Variants in GPSM2 observed in about 807,000 individuals in gnomAD.
The protein encoded by GPSM2 is G protein-signaling modulator 2.
A neutral mutation model predicts 78.4 loss-of-function variants in GPSM2; 58 were observed. The ratio of observed to expected loss-of-function variants is 0.74; its 90% confidence interval spans 0.60 to 0.92. The LOEUF is 0.92. Among genes scored for constraint, GPSM2 ranks in the 40% least tolerant of loss-of-function variants. The pLI, the probability that GPSM2 is intolerant of heterozygous loss-of-function variation, is 0.00. For synonymous variants in GPSM2, 224 were observed against 280.2 expected (o/e 0.80, Z 2.00); for missense variants, 700 against 815.5 (o/e 0.86, Z 1.73).
In GPSM2 at chr1:108,927,478, A is replaced by G. The variant is rs559607309; in HGVS notation, c.1816-2223A>G. The stretch of plus-strand genomic sequence containing the variant: ...ATGGAATAGAATACAGATCCCAGAA[A>G]TAAACCCTTGCATGTGTGGTCAAAT... On this transcript the variant is annotated intron_variant, in intron 14 of 14. Transcript: ENST00000264126. 5.3e-5 allele frequency among the ~76,000 whole-genome samples: 8 copies of G among 152,328 alleles called. No homozygotes were observed. In the South Asian group the frequency reaches 1.7e-3, roughly 32 times the overall value.
intron 14 of GPSM2, 103 bp downstream of exon 14, chr1:108,924,317 G>C: frequency 1.3e-6 from 1 of 776,026 alleles, no homozygotes; most frequent in Non-Finnish European, 2.3e-6. Flanking sequence ...TTGTATTAGA[G>C]AGTTATTATT....
rs777237521 is a variant in GPSM2, at chr1:108,929,930, C to T, written c.2045C>T (p.Ala682Val). Reference protein sequence around the residue: ...LEFKNSGKKSADH With the variant: ...LEFKNSGKKSVDH Reference sequence around the variant, plus strand: ...TTTAAAAATTCAGGGAAAAAATCGGCAGACCATTAGTTACTATGGATTTAT... The same window carrying T: ...TTTAAAAATTCAGGGAAAAAATCGGTAGACCATTAGTTACTATGGATTTAT... Residue 682 changes from alanine to valine, a missense_variant, in exon 15 of 15, where the codon GCA becomes GTA. Coordinates refer to ENST00000264126, the MANE Select transcript of GPSM2 (RefSeq NM_013296.5). 3.7e-6 allele frequency: 6 copies of T among 1,613,244 alleles called. No homozygotes were observed. In the Admixed American group the frequency reaches 1.0e-4, roughly 27 times the overall value.
chr1:108,892,285 G>C (rs1464573923), intron 2 of GPSM2, among the ~76,000 whole-genome samples: 2 of 152,128 alleles, frequency 1.3e-5, no homozygotes, highest in African/African-American at 4.8e-5. Context: ...GTAGCATCAT[G>C]GTTTTATGTT....
rs1557884949 is a variant in GPSM2 at position 108,929,986 on chromosome 1, AATCT to A, written c.*49_*52del. On this transcript the variant is annotated 3_prime_UTR_variant, in exon 15 of 15. Transcript: ENST00000264126. Reference sequence around the variant, plus strand: ...TTCCTTTCAAACACGGTAAGGAAACAATCTATTACTTTTTTCCTTAAAAGGAGAA... The same window carrying A: ...TTCCTTTCAAACACGGTAAGGAAACAATTACTTTTTTCCTTAAAAGGAGAA... The A allele has an allele frequency of 6.4e-7, 1 of 1,550,920 alleles. No individual in the cohort carries two copies. Among genetic ancestry groups the A allele is most frequent in the Non-Finnish European group, 8.9e-7 (1 of 1,127,672 alleles).
intron 11 of GPSM2, among the ~76,000 whole-genome samples, 157 bp from the exon 12 acceptor site, chr1:108,918,456 A>G (rs1203272232): frequency 3.9e-5 from 6 of 152,238 alleles, no homozygotes; most frequent in South Asian, 2.1e-4. Context: ...AAATAGTGCA[A>G]TATACTAAAA....
chr1:108,918,923 C>G, intron 12 of GPSM2, 134 bp downstream of exon 12: 1 of 669,848 alleles, frequency 1.5e-6, no homozygotes, highest in South Asian at 1.8e-5. Flanking sequence ...ATTTCCCTAT[C>G]TTTTCTATCT....
In GPSM2 at chr1:108,890,985, A is replaced by G. The variant is rs1647926373; in HGVS notation, c.56+5407A>G. Among the ~76,000 whole-genome samples the G allele has an allele frequency of 2.6e-5, 4 of 152,216 alleles. 1 individual carries two copies. In the South Asian group the frequency reaches 8.3e-4, roughly 31 times the overall value. The stretch of plus-strand genomic sequence containing the variant: ...AAAAAGATTAATCTTTTAAAGATAC[A>G]TACTAAGGTATTTACAAATTAAATC... On this transcript the variant is annotated intron_variant, in intron 2 of 14. Coordinates refer to ENST00000264126, the MANE Select transcript of GPSM2 (RefSeq NM_013296.5).
chr1:108,908,996 A>C (rs771973952), intron 10 of GPSM2, among the ~76,000 whole-genome samples: 1 of 148,488 alleles, frequency 6.7e-6, no homozygotes, highest in Non-Finnish European at 1.5e-5. Flanking sequence ...TTAATTAGCC[A>C]TGCATGGTAG....
chr1:108,911,048 T>C (rs1649698676), intron 10 of GPSM2, among the ~76,000 whole-genome samples: 2 of 152,054 alleles, frequency 1.3e-5, no homozygotes, highest in South Asian at 4.2e-4. Context: ...TAAGACACAG[T>C]AGCAGATTGG....
At chr1:108,877,491 C>A (rs941952158) in intron 1 of GPSM2, 4 of 141,652 alleles carry the variant, frequency 2.8e-5, no homozygotes, top group African/African-American at 1.1e-4. Context: ...GAGAGTAAAG[C>A]GTTAAGAGCC....
At position 108,924,080 on chromosome 1, in the gene GPSM2, G is replaced by T; in HGVS notation, c.1681G>T (p.Asp561Tyr). Residue 561 changes from aspartate to tyrosine, a missense_variant, in exon 14 of 15, where the codon GAC (aspartate) becomes TAC (tyrosine). Asp to Tyr is a radical substitution (Grantham distance 160, BLOSUM62 -3). Transcript: ENST00000264126. ...LASSQSRRLDDQRASFSNLPG... is the reference protein window; with the variant it reads ...LASSQSRRLDYQRASFSNLPG... ...CAGCTCACAGAGTCGCCGTCTGGATGACCAGAGGGCTAGTTTCAGTAATTT... is the reference window on the plus strand; with the variant it reads ...CAGCTCACAGAGTCGCCGTCTGGATTACCAGAGGGCTAGTTTCAGTAATTT... 6.2e-7 allele frequency: 1 copy of T among 1,612,266 alleles called. No individual in the cohort carries two copies. The highest frequency in any genetic ancestry group is 8.5e-7 in the Non-Finnish European group (1 of 1,178,370).
rs1650450151 is a variant in GPSM2, at chr1:108,918,507, C to G, written c.1264-106C>G. The G allele has an allele frequency of 9.7e-6, 8 of 821,984 alleles. No individual in the cohort carries two copies. In the South Asian group the frequency reaches 1.2e-4, roughly 12 times the overall value. 50.9% of individuals were successfully genotyped at this position (821,984 alleles called of 1,614,324 possible). ...AGATCTAAAATTCTTCCTCTCTCCC[C>G]CAATAGTAAATAAGTGAGTACGTCA... On this transcript the variant is annotated intron_variant, in intron 11 of 14. Transcript: ENST00000264126.
At position 108,917,626 on chromosome 1, in the gene GPSM2, AT is replaced by A. The variant is rs1368028199; in HGVS notation, c.1264-986del. On this transcript the variant is annotated intron_variant, in intron 11 of 14. Transcript: ENST00000264126. ...CACACACACACATATATATATATAT[AT>A]ATATATATATATATATATATATATA... Among the ~76,000 whole-genome samples the A allele has an allele frequency of 8.9e-3, 111 of 12,450 alleles. 6 individuals are homozygous for A. The highest frequency in any genetic ancestry group is 0.045 in the African/African-American group (92 of 2,036). The allele number at this position is 12,450 out of a possible 152,430, so 8.2% of individuals were successfully genotyped here. A position where few individuals can be genotyped will look rare whatever the true frequency, so the allele number is the denominator to read the frequency against.
chr1:108,920,136 C>T (rs1557877354), intron 12 of GPSM2, among the ~76,000 whole-genome samples: 1 of 151,690 alleles, frequency 6.6e-6, no homozygotes, highest in Admixed American at 6.6e-5. Flanking sequence ...CACTGCACTC[C>T]AACCTGGGTG....
chr1:108,922,475 A>G lies in GPSM2; in HGVS notation c.1499A>G (p.Gln500Arg), dbSNP rs767203283. The change falls in exon 13 of 15, where the codon CAA becomes CGA. Residue 500 changes from glutamine to arginine, a missense_variant. Coordinates refer to ENST00000264126, the MANE Select transcript of GPSM2 (RefSeq NM_013296.5). Reference protein sequence around the residue: ...EGFFDLLSRFQSNRMDDQRCC... With the variant: ...EGFFDLLSRFRSNRMDDQRCC... Reference sequence around the variant, plus strand: ...TTCTTTGACTTATTAAGCCGATTTCAAAGCAATAGGATGGATGATCAGAGA... The same window carrying G: ...TTCTTTGACTTATTAAGCCGATTTCGAAGCAATAGGATGGATGATCAGAGA... The G allele has an allele frequency of 3.1e-6, 5 of 1,612,152 alleles. No homozygotes were observed. The East Asian group carries it at 8.9e-5, about 29-fold the overall frequency.
intron 2 of GPSM2, among the ~76,000 whole-genome samples, chr1:108,888,531 G>T (rs750169869): frequency 6.6e-6 from 1 of 152,104 alleles, no homozygotes; most frequent in Admixed American, 6.6e-5. Context: ...GTGAAGATGC[G>T]ATCTCACTCT....
intron 10 of GPSM2, 48 bp from the exon 11 acceptor site, chr1:108,914,290 C>T (rs1436964933): frequency 1.6e-6 from 2 of 1,251,786 alleles, no homozygotes; most frequent in Non-Finnish European, 2.4e-6. Flanking sequence ...TGAACTTGTA[C>T]TCTTAAGGGC....
Position 108,931,679 on chromosome 1 carries a change from T to C in GPSM2, c.*1739T>C, listed in dbSNP as rs114769211. ...ACAACCTGGATTACATTATGTTTCA[T>C]GTATACTATAAGGTATGATGTCCTG... On this transcript the variant is annotated 3_prime_UTR_variant, in exon 15 of 15. Coordinates refer to ENST00000264126, the MANE Select transcript of GPSM2 (RefSeq NM_013296.5). 2.1e-3 allele frequency: 1,548 copies of C among 749,298 alleles called. 23 individuals are homozygous for C. In the African/African-American group the frequency reaches 0.024, roughly 12 times the overall value. 46.4% of individuals were successfully genotyped at this position (749,298 alleles called of 1,614,324 possible). A position where few individuals can be genotyped will look rare whatever the true frequency, so the allele number is the denominator to read the frequency against.
rs1570951884 is a variant in GPSM2, at chr1:108,921,864, T to A, written c.1441-553T>A. Among the ~76,000 whole-genome samples the A allele has an allele frequency of 2.0e-5, 3 of 152,166 alleles. No homozygotes were observed. In the South Asian group the frequency reaches 6.2e-4, roughly 31 times the overall value. On this transcript the variant is annotated intron_variant, in intron 12 of 14. Transcript: ENST00000264126. The stretch of plus-strand genomic sequence containing the variant: ...ATTATAATATATCATTATGAAAAAA[T>A]TAAAATAATTACTTGTATTAAACAT...
Sources: gnomAD v4.1 joint callset for allele counts (sites outside exome capture counted in the v4.1 genomes callset) on GRCh38, gnomAD v4.1.1 for gene constraint, MANE v1.5 for transcripts, NCBI Gene and HGNC (gene_info 2026-07-23, HGNC 2026-07-21) for gene names.